The following CBLB variants were observed in gnomAD, a reference collection of about 807,000 sequenced individuals.
The protein encoded by CBLB is Cbl proto-oncogene B, also known as E3 ubiquitin-protein ligase CBL-B.
CBLB carries 31 observed loss-of-function variants against 104.9 expected under a neutral mutation model. The ratio of observed to expected loss-of-function variants is 0.30; its 90% CI spans 0.22 to 0.40. The LOEUF (loss-of-function observed/expected upper bound fraction) is 0.40. Among genes scored for constraint, CBLB ranks in the 10% least tolerant of loss-of-function variants. CBLB has a pLI of 1.00. For synonymous variants in CBLB, 440 were observed against 422.6 expected (o/e 1.04, Z -0.51); for missense variants, 1,062 against 1,214.6 (o/e 0.87, Z 1.87).
intron 5 of CBLB, 99 bp downstream of exon 5, chr3:105,751,363 T>C: frequency 3.7e-6 from 3 of 816,480 alleles, no homozygotes; most frequent in Non-Finnish European, 6.3e-6. Context: ...TTTGTTTATG[T>C]GTGTGTGTGT....
chr3:105,857,230 C>T (rs2153133494), intron 2 of CBLB, among the ~76,000 whole-genome samples: 1 of 152,282 alleles, frequency 6.6e-6, no homozygotes, highest in African/African-American at 2.4e-5. Flanking sequence ...ATTTAATTCA[C>T]TATTCTTTAT....
At chr3:105,841,583 G>T (rs1436634792) in intron 3 of CBLB, among the ~76,000 whole-genome samples, 1 of 151,722 alleles carries the variant, frequency 6.6e-6, no homozygotes. Flanking sequence ...CTCCCGAGTA[G>T]CTGGGACTAC....
At chr3:105,816,774 A>T (rs542294824) in intron 3 of CBLB, among the ~76,000 whole-genome samples, 12 of 152,220 alleles carry the variant, frequency 7.9e-5, no homozygotes, top group Non-Finnish European at 1.8e-4. Flanking sequence ...AACTTTACTG[A>T]GCACCAAAAT....
intron 3 of CBLB, among the ~76,000 whole-genome samples, chr3:105,839,653 T>A (rs2089233938): frequency 6.6e-6 from 1 of 152,252 alleles, no homozygotes; most frequent in Non-Finnish European, 1.5e-5. Flanking sequence ...TCTATGGAAC[T>A]ACTTACCTCT....
At chr3:105,833,848 A>G (rs1451306052) in intron 3 of CBLB, among the ~76,000 whole-genome samples, 1 of 152,108 alleles carries the variant, frequency 6.6e-6, no homozygotes. Flanking sequence ...TTAAACAATC[A>G]CTGAAGACCA....
chr3:105,851,129 G>A (rs1043779772), intron 3 of CBLB, among the ~76,000 whole-genome samples: 10 of 152,206 alleles, frequency 6.6e-5, no homozygotes, highest in African/African-American at 9.6e-5. Flanking sequence ...GGAAGCAACC[G>A]AGATGTACTT....
In CBLB at chr3:105,753,650, C is replaced by T. The variant is rs116070677; in HGVS notation, c.567-2032G>A. Among the ~76,000 whole-genome samples the T allele has an allele frequency of 5.1e-3, 777 of 151,990 alleles. 6 individuals are homozygous for T. The highest frequency in any genetic ancestry group is 0.018 in the African/African-American group (737 of 41,468). On this transcript the variant is annotated intron_variant, in intron 4 of 18. Coordinates refer to ENST00000394030, the MANE Select transcript of CBLB (RefSeq NM_170662.5). ...TGAAGAAGTTAAAGCATTTTTGTTT[C>T]GTATATAAAGTATACAACGTAAAGT... is the stretch of plus-strand genomic sequence containing the variant.
rs75304253 is a variant in CBLB at position 105,845,624 on chromosome 3, C to A, written c.419+7790G>T. Among the ~76,000 whole-genome samples the A allele has an allele frequency of 5.1e-3, 777 of 151,976 alleles. 5 individuals are homozygous for A. The highest frequency in any genetic ancestry group is 0.018 in the African/African-American group (760 of 41,490). On this transcript the variant is annotated intron_variant, in intron 3 of 18. Coordinates refer to ENST00000394030, the MANE Select transcript of CBLB (RefSeq NM_170662.5). ...ATTACATTGTATCTAGCTAGCTAAG[C>A]AGCAGGGGTGCAGTTAGCCAAATAC...
chr3:105,710,779 A>G (rs2070951734), intron 10 of CBLB, among the ~76,000 whole-genome samples: 1 of 151,830 alleles, frequency 6.6e-6, no homozygotes, highest in Non-Finnish European at 1.5e-5. Context: ...ACGTCTACAT[A>G]CTCATCCTTT....
intron 3 of CBLB, among the ~76,000 whole-genome samples, chr3:105,807,896 T>C (rs1474489373): frequency 6.6e-6 from 1 of 152,188 alleles, no homozygotes; most frequent in East Asian, 1.9e-4. Flanking sequence ...TAGTTGGAAA[T>C]AGAATCAAGA....
chr3:105,836,633 G>A (rs1322735104), intron 3 of CBLB, among the ~76,000 whole-genome samples: 3 of 152,052 alleles, frequency 2.0e-5, no homozygotes, highest in Admixed American at 6.6e-5. Flanking sequence ...CAAATATGAC[G>A]GTTTCTTACA....
intron 3 of CBLB, among the ~76,000 whole-genome samples, chr3:105,834,705 A>G (rs1215129240): frequency 6.6e-6 from 1 of 152,148 alleles, no homozygotes; most frequent in Non-Finnish European, 1.5e-5. Context: ...AGAAGTCAAA[A>G]TCAAAAACAA....
At chr3:105,869,425 C>T (rs1416135674), upstream of CBLB, 15 of 1,326,464 alleles carry the variant, frequency 1.1e-5, no homozygotes, top group Non-Finnish European at 1.5e-5. Flanking sequence ...CTTCGCTTAC[C>T]TTCCTAGTCT....
chr3:105,861,954 C>T (rs951434680), intron 2 of CBLB, among the ~76,000 whole-genome samples: 6 of 152,250 alleles, frequency 3.9e-5, no homozygotes, highest in Non-Finnish European at 2.9e-5. Flanking sequence ...TGAATCTGAA[C>T]TTAGTTTTAT....
intron 3 of CBLB, among the ~76,000 whole-genome samples, chr3:105,792,931 TA>T (rs2081855616): frequency 6.6e-6 from 1 of 152,182 alleles, no homozygotes; most frequent in Non-Finnish European, 1.5e-5. Context: ...AGTAAAGAAA[TA>T]AAAAAGTATT....
intron 3 of CBLB, among the ~76,000 whole-genome samples, chr3:105,802,418 A>G (rs2082990476): frequency 6.6e-6 from 1 of 152,336 alleles, no homozygotes; most frequent in South Asian, 2.1e-4. Context: ...TCTGTGAGCC[A>G]AAAGAGCTTA....
intron 16 of CBLB, chr3:105,680,948 A>AGGAT (rs2066246612): frequency 6.3e-6 from 1 of 159,624 alleles, no homozygotes; most frequent in Non-Finnish European, 1.4e-5. Context: ...AAATACACAT[A>AGGAT]GGATGTTTCT....
intron 6 of CBLB, among the ~76,000 whole-genome samples, chr3:105,744,312 G>C (rs188339925): frequency 6.6e-6 from 1 of 151,994 alleles, no homozygotes; most frequent in East Asian, 1.9e-4. Context: ...CACATCATAC[G>C]CCAAGAGCAA....
intron 2 of CBLB, among the ~76,000 whole-genome samples, chr3:105,867,008 TATC>T (rs1464931149): frequency 1.3e-5 from 2 of 152,232 alleles, no homozygotes; most frequent in Non-Finnish European, 2.9e-5. Flanking sequence ...ATATTTTCAG[TATC>T]ATACCAGATG....
Sources: gnomAD v4.1 joint callset for allele counts (sites outside exome capture counted in the v4.1 genomes callset) on GRCh38, gnomAD v4.1.1 for gene constraint, MANE v1.5 for transcripts, NCBI Gene and HGNC (gene_info 2026-07-23, HGNC 2026-07-21) for gene names.